The following ARHGAP15 variants were observed in gnomAD, a reference collection of about 807,000 sequenced individuals.
ARHGAP15 encodes rho GTPase-activating protein 15.
A neutral mutation model predicts 63.7 loss-of-function variants in ARHGAP15; 51 were observed. The ratio of observed to expected loss-of-function variants is 0.80; its 90% CI spans 0.64 to 1.01. The LOEUF (loss-of-function observed/expected upper bound fraction) is 1.01, where lower values mean the gene tolerates loss of function less well. Ranked by LOEUF, ARHGAP15 falls within the 50% of genes least tolerant of loss-of-function variation. The pLI is 0.00. For missense variants in ARHGAP15, 560 were observed against 564.6 expected (o/e 0.99, Z 0.08); for synonymous variants, 191 against 193.8 (o/e 0.99, Z 0.12).
At chr2:143,422,163 C>T (rs1363772757) in intron 6 of ARHGAP15, among the ~76,000 whole-genome samples, 1 of 152,070 alleles carries the variant, frequency 6.6e-6, no homozygotes. Context: ...GAATCCAATG[C>T]TGTGAGCCTC....
chr2:143,569,381 A>G (rs565666906), intron 11 of ARHGAP15, among the ~76,000 whole-genome samples: 1 of 152,332 alleles, frequency 6.6e-6, no homozygotes, highest in South Asian at 2.1e-4. Flanking sequence ...ATCGTGATGT[A>G]ATAGAGAAGA....
intron 10 of ARHGAP15, among the ~76,000 whole-genome samples, chr2:143,543,470 ATT>A (rs1695193914): frequency 1.3e-5 from 2 of 152,032 alleles, no homozygotes; most frequent in African/African-American, 4.8e-5. Flanking sequence ...TCAAATGTAT[ATT>A]TTGAAAATAA....
At chr2:143,604,473 C>G (rs1407964412) in intron 11 of ARHGAP15, among the ~76,000 whole-genome samples, 2 of 152,180 alleles carry the variant, frequency 1.3e-5, no homozygotes, top group East Asian at 3.8e-4. Context: ...TGTATTAACT[C>G]AGTAACACAA....
chr2:143,161,246 G>A (rs1690282528), intron 2 of ARHGAP15, among the ~76,000 whole-genome samples: 1 of 151,908 alleles, frequency 6.6e-6, no homozygotes, highest in Non-Finnish European at 1.5e-5. Context: ...CATTAGAAAC[G>A]TGTTTCCAGA....
intron 6 of ARHGAP15, among the ~76,000 whole-genome samples, chr2:143,378,810 C>CGTTTG (rs1686924994): frequency 1.3e-5 from 2 of 151,940 alleles, no homozygotes; most frequent in African/African-American, 4.8e-5. Context: ...TATCCACAAA[C>CGTTTG]TGGATAATCA....
chr2:143,205,877 C>A (rs1692310935), intron 3 of ARHGAP15, among the ~76,000 whole-genome samples: 1 of 152,016 alleles, frequency 6.6e-6, no homozygotes, highest in Non-Finnish European at 1.5e-5. Flanking sequence ...CACCCCCAAA[C>A]CCTCACCCAA....
intron 13 of ARHGAP15, among the ~76,000 whole-genome samples, chr2:143,755,474 C>G (rs1378666173): frequency 2.6e-5 from 4 of 152,138 alleles, no homozygotes; most frequent in Admixed American, 6.6e-5. Flanking sequence ...TGGGCCAATT[C>G]CAGTAACTGG....
At chr2:143,747,464 T>C (rs1292710623) in intron 13 of ARHGAP15, among the ~76,000 whole-genome samples, 2 of 152,174 alleles carry the variant, frequency 1.3e-5, no homozygotes, top group African/African-American at 2.4e-5. Context: ...TGTAATGACA[T>C]GTAACCACCA....
intron 6 of ARHGAP15, among the ~76,000 whole-genome samples, chr2:143,413,807 A>G (rs575365015): frequency 8.1e-4 from 123 of 152,196 alleles, no homozygotes; most frequent in African/African-American, 2.9e-3. Flanking sequence ...ATGCCTCAGG[A>G]GAAGAAGCAA....
intron 11 of ARHGAP15, among the ~76,000 whole-genome samples, chr2:143,569,275 G>GA (rs1696361581): frequency 6.6e-6 from 1 of 152,128 alleles, no homozygotes; most frequent in Non-Finnish European, 1.5e-5. Context: ...ATCTCTTCTG[G>GA]AAAATCAGGC....
chr2:143,374,923 C>T (rs1230813852), intron 6 of ARHGAP15, among the ~76,000 whole-genome samples: 1 of 151,842 alleles, frequency 6.6e-6, no homozygotes, highest in Non-Finnish European at 1.5e-5. Flanking sequence ...TACATGTGTG[C>T]CAAAATGATT....
At chr2:143,247,069 AT>A (rs1184526008) in intron 5 of ARHGAP15, among the ~76,000 whole-genome samples, 1 of 152,134 alleles carries the variant, frequency 6.6e-6, no homozygotes, top group Non-Finnish European at 1.5e-5. Context: ...ACACACCTGA[AT>A]GTGTGTTTCA....
intron 9 of ARHGAP15, 44 bp from the exon 10 acceptor site, chr2:143,519,222 G>A (rs764638273): frequency 1.6e-5 from 23 of 1,414,434 alleles, no homozygotes; most frequent in South Asian, 2.3e-5. Flanking sequence ...AAAGAACAAC[G>A]CAAGCTTGGA....
chr2:143,290,743 G>C (rs976354413), intron 6 of ARHGAP15, among the ~76,000 whole-genome samples: 1 of 152,010 alleles, frequency 6.6e-6, no homozygotes, highest in Non-Finnish European at 1.5e-5. Context: ...GAACTGTTTG[G>C]GGTAATCATC....
intron 6 of ARHGAP15, among the ~76,000 whole-genome samples, chr2:143,312,720 C>T (rs750238679): frequency 3.9e-5 from 6 of 152,172 alleles, no homozygotes; most frequent in Admixed American, 6.6e-5. Flanking sequence ...ATCACCTGTT[C>T]TGACTTTGAC....
intron 11 of ARHGAP15, among the ~76,000 whole-genome samples, chr2:143,619,606 G>A (rs960827273): frequency 6.6e-6 from 1 of 152,186 alleles, no homozygotes; most frequent in African/African-American, 2.4e-5. Context: ...GTTTGGCTGT[G>A]TCCCCACCCA....
intron 5 of ARHGAP15, chr2:143,236,855 T>G (rs1051807417): frequency 1.3e-5 from 2 of 152,218 alleles, no homozygotes; most frequent in African/African-American, 4.8e-5. Context: ...CTTGAAATGT[T>G]TGAATGGGGG....
intron 2 of ARHGAP15, among the ~76,000 whole-genome samples, chr2:143,173,100 T>C (rs548319511): frequency 2.6e-5 from 4 of 152,092 alleles, no homozygotes; most frequent in African/African-American, 9.6e-5. Context: ...CACAAACACT[T>C]AGGTAACTAT....
At chr2:143,243,212 G>A (rs1693927586) in intron 5 of ARHGAP15, among the ~76,000 whole-genome samples, 1 of 152,018 alleles carries the variant, frequency 6.6e-6, no homozygotes, top group African/African-American at 2.4e-5. Flanking sequence ...AAAGAAAAAT[G>A]GGAAACTTAA....
Sources: gnomAD v4.1 joint callset for allele counts (sites outside exome capture counted in the v4.1 genomes callset) on GRCh38, gnomAD v4.1.1 for gene constraint, MANE v1.5 for transcripts, NCBI Gene and HGNC (gene_info 2026-07-23, HGNC 2026-07-21) for gene names.